The following SERGEF variants were observed in gnomAD, a reference collection of about 807,000 sequenced individuals.
The protein encoded by SERGEF is secretion regulating guanine nucleotide exchange factor.
SERGEF carries 51 observed loss-of-function variants against 50.0 expected under a neutral mutation model. The observed-to-expected ratio is 1.02, with a 90% CI of 0.81 to 1.29. The LOEUF (loss-of-function observed/expected upper bound fraction) is 1.29. Among genes scored for constraint, SERGEF ranks in the 50% most tolerant of loss-of-function variants. The pLI is 0.00. For missense variants in SERGEF, 521 were observed against 557.0 expected, an observed-to-expected ratio of 0.94 and a Z score of 0.65; for synonymous variants, 205 against 212.4, an observed-to-expected ratio of 0.97 and a Z score of 0.30.
At chr11:17,855,569 G>T (rs1042015243) in intron 10 of SERGEF, 2 of 152,226 alleles carry the variant, frequency 1.3e-5, no homozygotes, top group African/African-American at 4.8e-5. Flanking sequence ...ACTGGACAAA[G>T]AGATGATTCA....
chr11:17,987,438 T>C (rs1216157379), intron 8 of SERGEF, among the ~76,000 whole-genome samples: 4 of 152,212 alleles, frequency 2.6e-5, no homozygotes, highest in African/African-American at 9.6e-5. Flanking sequence ...TCAGTGAGTC[T>C]CTTTAGGAAA....
chr11:17,961,927 C>T (rs962763365), intron 8 of SERGEF, among the ~76,000 whole-genome samples: 3 of 152,130 alleles, frequency 2.0e-5, no homozygotes, highest in Admixed American at 2.0e-4. Context: ...TCCCAGGTAC[C>T]CAGTACATTC....
chr11:17,881,710 T>C (rs1851334820), intron 9 of SERGEF, among the ~76,000 whole-genome samples: 1 of 152,208 alleles, frequency 6.6e-6, no homozygotes, highest in Non-Finnish European at 1.5e-5. Flanking sequence ...CTCTTGGGCC[T>C]CAGTGTTCTG....
At chr11:17,794,511 G>T (rs1464669156) in intron 10 of SERGEF, among the ~76,000 whole-genome samples, 3 of 152,186 alleles carry the variant, frequency 2.0e-5, no homozygotes. Flanking sequence ...TTCTAGTCAG[G>T]ACTAGAATCC....
chr11:17,966,967 A>C (rs1853137989), intron 8 of SERGEF, among the ~76,000 whole-genome samples: 1 of 152,192 alleles, frequency 6.6e-6, no homozygotes, highest in Non-Finnish European at 1.5e-5. Flanking sequence ...TAAGAAACAG[A>C]CCACAGAGGT....
At chr11:17,877,530 A>G (rs1382339559) in intron 10 of SERGEF, among the ~76,000 whole-genome samples, 1 of 152,212 alleles carries the variant, frequency 6.6e-6, no homozygotes, top group Non-Finnish European at 1.5e-5. Context: ...ACCTTGTCCA[A>G]GTTCACATGG....
At chr11:17,946,102 C>T (rs1343948521) in intron 9 of SERGEF, among the ~76,000 whole-genome samples, 1 of 152,212 alleles carries the variant, frequency 6.6e-6, no homozygotes, top group Non-Finnish European at 1.5e-5. Context: ...CTTGGAACTG[C>T]TTCTCATTAT....
At chr11:17,841,877 C>T (rs1453440536) in intron 10 of SERGEF, among the ~76,000 whole-genome samples, 1 of 152,210 alleles carries the variant, frequency 6.6e-6, no homozygotes, top group Non-Finnish European at 1.5e-5. Context: ...AGAAAGCTTT[C>T]TCTCCACCCT....
intron 5 of SERGEF, among the ~76,000 whole-genome samples, chr11:18,000,101 A>G (rs1853928475): frequency 6.6e-6 from 1 of 152,128 alleles, no homozygotes. Context: ...AATATTTCCT[A>G]AATGGTTTTT....
chr11:17,978,173 C>G (rs1196160046), intron 8 of SERGEF, among the ~76,000 whole-genome samples: 1 of 152,112 alleles, frequency 6.6e-6, no homozygotes, highest in Non-Finnish European at 1.5e-5. Context: ...GGGGCTACAG[C>G]AGTATTACCC....
At chr11:17,955,333 C>T (rs910930648) in intron 9 of SERGEF, among the ~76,000 whole-genome samples, 2 of 152,164 alleles carry the variant, frequency 1.3e-5, no homozygotes, top group South Asian at 4.1e-4. Flanking sequence ...AGGGCAAAGA[C>T]TGTGTATTTT....
intron 10 of SERGEF, among the ~76,000 whole-genome samples, chr11:17,827,257 G>A (rs989717714): frequency 2.0e-5 from 3 of 152,130 alleles, no homozygotes; most frequent in Non-Finnish European, 2.9e-5. Context: ...AGAACCAGAG[G>A]CAAAACCAGG....
intron 9 of SERGEF, among the ~76,000 whole-genome samples, chr11:17,880,656 A>C (rs1851319595): frequency 6.6e-6 from 1 of 152,154 alleles, no homozygotes; most frequent in African/African-American, 2.4e-5. Flanking sequence ...AATTAGGGAA[A>C]AATCTATTAA....
At chr11:17,998,440 C>CATACAT (rs1191366729) in intron 5 of SERGEF, among the ~76,000 whole-genome samples, 5 of 33,738 alleles carry the variant, frequency 1.5e-4, no homozygotes, top group Non-Finnish European at 2.0e-4. Flanking sequence ...TACATACATA[C>CATACAT]ATATATATAT....
Position 18,006,680 on chromosome 11 carries a change from T to G in SERGEF, c.263A>C (p.Asp88Ala), listed in dbSNP as rs370026540. 8.1e-6 allele frequency: 13 copies of G among 1,614,038 alleles called. No individual in the cohort carries two copies. The highest frequency in any genetic ancestry group is 1.0e-5 in the Non-Finnish European group (12 of 1,180,034). ...TTTGCAGGGGGTAAAATATGGGATATCCTCTGTGTGACCAAGCCCCAGTTG... is the reference window on the plus strand; with the variant it reads ...TTTGCAGGGGGTAAAATATGGGATAGCCTCTGTGTGACCAAGCCCCAGTTG... ...DGQLGLGHTE[D>A]IPYFTPCKSL... is the part of the protein sequence containing the mutation. The change falls in exon 3 of 11, where the codon GAT (aspartate) becomes GCT (alanine). Residue 88 changes from aspartate (D) to alanine (A), a missense_variant. Transcript: ENST00000265965.
chr11:17,991,955 A>T lies in SERGEF; in HGVS notation c.685+976T>A, dbSNP rs1305114435. 6.6e-6 allele frequency among the ~76,000 whole-genome samples: 1 copy of T among 152,344 alleles called. No homozygotes were observed. The highest frequency in any genetic ancestry group is 1.9e-4 in the East Asian group (1 of 5,186). ...GAGAGGTCTTACCAAACAAAATATTATAAATCTCTCAGATGTATAGTCTCC... is the reference window on the plus strand; with the variant it reads ...GAGAGGTCTTACCAAACAAAATATTTTAAATCTCTCAGATGTATAGTCTCC... On this transcript the variant is annotated intron_variant, in intron 7 of 10. Transcript: ENST00000265965. This position sits in a 1 kb window ranked among gnomAD's most constrained non-coding sequence, Gnocchi z 4.9.
chr11:18,003,316 C>T (rs1854002984), intron 4 of SERGEF, among the ~76,000 whole-genome samples: 1 of 152,060 alleles, frequency 6.6e-6, no homozygotes, highest in South Asian at 2.1e-4. Flanking sequence ...ATAAACTTCA[C>T]AAAAAGGGGT....
rs553158801 is a variant in SERGEF, at chr11:17,920,019, G to A, written c.1011+39451C>T. Among the ~76,000 whole-genome samples, 4 of 151,172 alleles carry A rather than the reference G, an allele frequency of 2.6e-5. No homozygotes were observed. The East Asian group carries it at 5.9e-4, about 22-fold the overall frequency. On this transcript the variant is annotated intron_variant, in intron 9 of 10. Coordinates refer to ENST00000265965, the MANE Select transcript of SERGEF (RefSeq NM_012139.4). ...TCCCAACACTTTGGGAGGCCAAGGC[G>A]AGTGGATCAAAAGGTCAGGGAATCG...
chr11:17,841,519 A>G (rs945300099), intron 10 of SERGEF, among the ~76,000 whole-genome samples: 1 of 152,164 alleles, frequency 6.6e-6, no homozygotes, highest in African/African-American at 2.4e-5. Context: ...TCTATCCAGC[A>G]TGATTTCTTA....
Sources: allele counts gnomAD v4.1 joint callset (sites outside exome capture counted in the v4.1 genomes callset), GRCh38; gene constraint gnomAD v4.1.1; non-coding constraint Gnocchi (gnomAD v3.1); transcripts MANE v1.5; gene names NCBI Gene and HGNC (gene_info 2026-07-23, HGNC 2026-07-21).